The following NRSN1 variants were observed in gnomAD, a reference collection of about 807,000 sequenced individuals.
The protein encoded by NRSN1 is neurensin-1.
A neutral mutation model predicts 17.3 loss-of-function variants in NRSN1; 14 were observed. The ratio of observed to expected loss-of-function variants is 0.81; its 90% CI spans 0.54 to 1.27. The LOEUF (loss-of-function observed/expected upper bound fraction) is 1.27, where lower values mean the gene tolerates loss of function less well. NRSN1 is among the 50% of genes most tolerant of loss of function. The pLI, the probability that NRSN1 is intolerant of heterozygous loss-of-function variation, is 0.00. For synonymous variants in NRSN1, 79 were observed against 94.2 expected (o/e 0.84, Z 0.93); for missense variants, 209 against 235.9 (o/e 0.89, Z 0.75).
At position 24,134,042 on chromosome 6, in the gene NRSN1, T is replaced by TGTGTGTGTG. The variant is rs1554140179; in HGVS notation, c.-9-277_-9-276insGTGTGTGTG. On this transcript the variant is annotated intron_variant, in intron 2 of 3. Coordinates refer to ENST00000378491, the MANE Select transcript of NRSN1 (RefSeq NM_080723.5). ...TGTGTGTGTGTGTGTGTGTGTGTGT[T>TGTGTGTGTG]TTTAGTAGAGACAGGGTTTCACCGT... Among the ~76,000 whole-genome samples, 16 of 47,232 alleles carry TGTGTGTGTG rather than the reference T, an allele frequency of 3.4e-4. No homozygotes were observed. In the East Asian group the frequency reaches 6.0e-3, roughly 18 times the overall value. 31.0% of individuals were successfully genotyped at this position (47,232 alleles called of 152,430 possible). A position where few individuals can be genotyped will look rare whatever the true frequency, so the allele number is the denominator to read the frequency against.
intron 3 of NRSN1, among the ~76,000 whole-genome samples, chr6:24,143,808 T>C (rs539793646): frequency 6.6e-6 from 1 of 152,352 alleles, no homozygotes; most frequent in East Asian, 1.9e-4. Context: ...CTTTGCCAGA[T>C]ACAAGGCTAA....
chr6:24,136,352 C>T (rs1760118457), intron 3 of NRSN1, among the ~76,000 whole-genome samples: 1 of 152,098 alleles, frequency 6.6e-6, no homozygotes, highest in African/African-American at 2.4e-5. Flanking sequence ...ATGGATAACC[C>T]AAGACCTGTG....
intron 3 of NRSN1, among the ~76,000 whole-genome samples, chr6:24,144,750 A>C (rs1299889996): frequency 1.3e-5 from 2 of 151,894 alleles, no homozygotes; most frequent in Non-Finnish European, 2.9e-5. Context: ...GTTTTGTCTC[A>C]CTTCATCATG....
In NRSN1 at chr6:24,145,807, T is replaced by C. The variant is rs1425271080; in HGVS notation, c.449T>C (p.Leu150Pro). The change falls in exon 4 of 4, where the codon CTC becomes CCC. Residue 150 changes from leucine (L) to proline (P), a missense_variant. Leu to Pro is a moderately conservative substitution (Grantham distance 98). Coordinates refer to ENST00000378491, the MANE Select transcript of NRSN1 (RefSeq NM_080723.5). The surrounding 1 kb of genome is among the most constrained non-coding windows in gnomAD (Gnocchi z 4.4). Reference sequence around the variant, plus strand: ...AGCTACTCCAAAGAAGAAAAATTCCTCCAGCAGAAGTTTAAAGAACGAATC... The same window carrying C: ...AGCTACTCCAAAGAAGAAAAATTCCCCCAGCAGAAGTTTAAAGAACGAATC... ...VKSYSKEEKF[L>P]QQKFKERIAD... The C allele has an allele frequency of 6.2e-7, 1 of 1,614,164 alleles. No individual in the cohort carries two copies. The highest frequency in any genetic ancestry group is 8.5e-7 in the Non-Finnish European group (1 of 1,180,028).
chr6:24,132,993 G>A (rs576007393), intron 2 of NRSN1, among the ~76,000 whole-genome samples: 15 of 152,108 alleles, frequency 9.9e-5, no homozygotes, highest in Non-Finnish European at 1.5e-4. Context: ...AAATTAAGAC[G>A]ATAACTGACA....
intron 3 of NRSN1, among the ~76,000 whole-genome samples, chr6:24,142,921 C>T (rs1012628676): frequency 6.6e-6 from 1 of 152,180 alleles, no homozygotes; most frequent in Admixed American, 6.5e-5. Context: ...CCGCCCACAT[C>T]CTGCTGATTG....
intron 2 of NRSN1, chr6:24,129,266 T>A (rs575427331): frequency 6.6e-6 from 1 of 152,222 alleles, no homozygotes; most frequent in African/African-American, 2.4e-5. Context: ...AGGGCAGACC[T>A]GGCTCCACTC....
rs1285622014 is a variant in NRSN1, at chr6:24,134,307, T to C, written c.-9-12T>C. The C allele has an allele frequency of 2.5e-6, 4 of 1,610,690 alleles. No homozygotes were observed. The Admixed American group carries it at 5.0e-5, about 20-fold the overall frequency. On this transcript the variant is annotated splice_polypyrimidine_tract_variant and intron_variant, in intron 2 of 3. Coordinates refer to ENST00000378491, the MANE Select transcript of NRSN1 (RefSeq NM_080723.5). ...CCTGTGGCATTAATCCATGTGGATG[T>C]TGTCATTCCAGCTGGGAAGGATGAG...
chr6:24,140,387 T>C (rs776597697), intron 3 of NRSN1, among the ~76,000 whole-genome samples: 2 of 152,152 alleles, frequency 1.3e-5, no homozygotes, highest in Non-Finnish European at 2.9e-5. Flanking sequence ...CTAAGAAGAT[T>C]GTGAGGTCAG....
At chr6:24,133,186 C>G (rs1760064541) in intron 2 of NRSN1, among the ~76,000 whole-genome samples, 1 of 152,128 alleles carries the variant, frequency 6.6e-6, no homozygotes, top group East Asian at 1.9e-4. Flanking sequence ...TTTTATTTAA[C>G]AGTTCTCTGA....
intron 2 of NRSN1, chr6:24,128,877 G>A (rs762692488): frequency 6.6e-6 from 1 of 152,198 alleles, no homozygotes; most frequent in Admixed American, 6.5e-5. Context: ...CACACATAGT[G>A]TCACAGGAAA....
intron 1 of NRSN1, among the ~76,000 whole-genome samples, chr6:24,127,393 T>C (rs938877025): frequency 1.3e-5 from 2 of 152,190 alleles, no homozygotes; most frequent in Non-Finnish European, 1.5e-5. Context: ...CAGGTTCTCC[T>C]GCAAACAAAT....
At position 24,126,215 on chromosome 6, in the gene NRSN1, G is replaced by A. The variant is rs990686075; in HGVS notation, c.-208G>A. The A allele has an allele frequency of 1.4e-4, 27 of 192,444 alleles. 1 individual carries two copies. Among genetic ancestry groups the A allele is most frequent in the Admixed American group, 3.1e-4 (5 of 15,948 alleles). The allele number at this position is 192,444 out of a possible 1,614,324, so 11.9% of individuals were successfully genotyped here. A position where few individuals can be genotyped will look rare whatever the true frequency, so the allele number is the denominator to read the frequency against. On this transcript the variant is annotated 5_prime_UTR_variant, in exon 1 of 4. Coordinates refer to ENST00000378491, the MANE Select transcript of NRSN1 (RefSeq NM_080723.5). ...GCGCGGGCACGCGGGACTCCCAGCT[G>A]TCAATCAGGCGCGGGCTGAGCTCTA...
intron 2 of NRSN1, among the ~76,000 whole-genome samples, chr6:24,132,083 A>G (rs953972148): frequency 2.6e-5 from 4 of 152,162 alleles, no homozygotes; most frequent in African/African-American, 9.7e-5. Flanking sequence ...TAATTGACCA[A>G]CAGCTAAAAA....
In NRSN1 at chr6:24,135,255, T is replaced by C. The variant is rs115611237; in HGVS notation, c.189+739T>C. On this transcript the variant is annotated intron_variant, in intron 3 of 3. Coordinates refer to ENST00000378491, the MANE Select transcript of NRSN1 (RefSeq NM_080723.5). ...ACAGGGGGTGATGGAGACTGGTATT[T>C]GGATATGCTGATGGTAGAAGGCTTT... Among the ~76,000 whole-genome samples, 350 of 152,286 alleles carry C rather than the reference T, an allele frequency of 2.3e-3. 1 individual carries two copies. The highest frequency in any genetic ancestry group is 7.7e-3 in the African/African-American group (319 of 41,556).
chr6:24,144,818 G>A (rs1760275056), intron 3 of NRSN1, among the ~76,000 whole-genome samples: 1 of 151,744 alleles, frequency 6.6e-6, no homozygotes, highest in African/African-American at 2.4e-5. Flanking sequence ...GAACAGCATG[G>A]CCTTGCTGTG....
chr6:24,135,440 T>G (rs1330610636), intron 3 of NRSN1, among the ~76,000 whole-genome samples: 1 of 151,800 alleles, frequency 6.6e-6, no homozygotes, highest in African/African-American at 2.4e-5. Context: ...CTGGTTGGAG[T>G]GGGGTGAGAA....
intron 2 of NRSN1, among the ~76,000 whole-genome samples, chr6:24,133,483 A>G (rs1760068635): frequency 6.6e-6 from 1 of 152,112 alleles, no homozygotes; most frequent in Non-Finnish European, 1.5e-5. Context: ...CAAACTAGTA[A>G]GAGTAATGCG....
At chr6:24,135,376 C>T (rs1009126021) in intron 3 of NRSN1, among the ~76,000 whole-genome samples, 1 of 152,170 alleles carries the variant, frequency 6.6e-6, no homozygotes, top group African/African-American at 2.4e-5. Context: ...AGTCCAAAAA[C>T]TCTGAAATGG....
Sources: allele counts gnomAD v4.1 joint callset (sites outside exome capture counted in the v4.1 genomes callset), GRCh38; gene constraint gnomAD v4.1.1; non-coding constraint Gnocchi (gnomAD v3.1); transcripts MANE v1.5; gene names NCBI Gene and HGNC (gene_info 2026-07-23, HGNC 2026-07-21).